The following LRRTM4 variants were observed in gnomAD, a reference collection of about 807,000 sequenced individuals.
LRRTM4 encodes the protein leucine-rich repeat transmembrane neuronal protein 4.
In LRRTM4, 25 loss-of-function variants were observed where a neutral mutation model predicts 47.6. The ratio of observed to expected loss-of-function variants is 0.53; its 90% CI spans 0.38 to 0.73. LRRTM4 has a LOEUF of 0.73. LRRTM4 is among the 30% of genes least tolerant of loss of function. The pLI, the probability that LRRTM4 is intolerant of heterozygous loss-of-function variation, is 0.00. For synonymous variants in LRRTM4, 311 were observed against 269.5 expected, an observed-to-expected ratio of 1.15 and a Z score of -1.51; for missense variants, 638 against 713.4, an observed-to-expected ratio of 0.89 and a Z score of 1.20.
At chr2:76,762,806 T>A (rs2104087153) in intron 3 of LRRTM4, among the ~76,000 whole-genome samples, 1 of 152,252 alleles carries the variant, frequency 6.6e-6, no homozygotes, top group Non-Finnish European at 1.5e-5. Flanking sequence ...CACACCACAG[T>A]ATAACTCTTT....
chr2:77,354,175 G>T (rs1671887200), intron 3 of LRRTM4, among the ~76,000 whole-genome samples: 1 of 152,146 alleles, frequency 6.6e-6, no homozygotes, highest in South Asian at 2.1e-4. Flanking sequence ...CAGTGGTCAT[G>T]TCTTAAGGAG....
chr2:76,761,836 G>A (rs868161079), intron 3 of LRRTM4, among the ~76,000 whole-genome samples: 26 of 152,224 alleles, frequency 1.7e-4, no homozygotes, highest in African/African-American at 5.8e-4. Context: ...ACTTAGGGGA[G>A]GATCATTAAA....
rs1677827894 is a variant in LRRTM4 at position 77,322,599 on chromosome 2, C to T, written c.1551+195719G>A. ...TGATAAAAACAAGAGTTTGGAATGGCTTCGGGGGAAAACTGCTTCTGCCAG... is the reference window on the plus strand; with the variant it reads ...TGATAAAAACAAGAGTTTGGAATGGTTTCGGGGGAAAACTGCTTCTGCCAG... On this transcript the variant is annotated intron_variant, in intron 3 of 3. Transcript: ENST00000409884. 2.0e-5 allele frequency among the ~76,000 whole-genome samples: 3 copies of T among 151,818 alleles called. No homozygotes were observed. In the South Asian group the frequency reaches 6.3e-4, roughly 32 times the overall value.
At chr2:77,409,437 T>C (rs1242830016) in intron 3 of LRRTM4, among the ~76,000 whole-genome samples, 1 of 152,160 alleles carries the variant, frequency 6.6e-6, no homozygotes, top group Non-Finnish European at 1.5e-5. Flanking sequence ...CTCTTTACTA[T>C]AGCCTTAATC....
chr2:76,879,403 T>C (rs1402498108), intron 3 of LRRTM4, among the ~76,000 whole-genome samples: 1 of 152,220 alleles, frequency 6.6e-6, no homozygotes, highest in East Asian at 1.9e-4. Flanking sequence ...CTAAAACTAC[T>C]CTGCCTATTC....
chr2:77,369,438 A>T (rs1672575500), intron 3 of LRRTM4, among the ~76,000 whole-genome samples: 1 of 151,748 alleles, frequency 6.6e-6, no homozygotes, highest in South Asian at 2.1e-4. Context: ...AGTAGCAAAT[A>T]TGTAGGATAA....
intron 3 of LRRTM4, among the ~76,000 whole-genome samples, chr2:77,317,839 G>A (rs867913105): frequency 6.6e-6 from 1 of 152,002 alleles, no homozygotes; most frequent in African/African-American, 2.4e-5. Context: ...AAAAGAAAAA[G>A]CACTTCACAT....
intron 3 of LRRTM4, among the ~76,000 whole-genome samples, chr2:77,357,941 T>C (rs76614208): frequency 0.017 from 2,587 of 152,230 alleles, 82 homozygotes; most frequent in African/African-American, 0.058. Context: ...TCTATGTTCA[T>C]GAATAATGTG....
At chr2:77,026,151 T>A (rs570880277) in intron 3 of LRRTM4, among the ~76,000 whole-genome samples, 17 of 152,158 alleles carry the variant, frequency 1.1e-4, no homozygotes, top group Non-Finnish European at 2.5e-4. Context: ...TTGGAATGCT[T>A]TGTAGTAATT....
chr2:77,130,733 A>C (rs1303182196), intron 3 of LRRTM4, among the ~76,000 whole-genome samples: 1 of 146,248 alleles, frequency 6.8e-6, no homozygotes, highest in Admixed American at 6.8e-5. Context: ...GGATGGTCTC[A>C]ATCTCCTGAC....
intron 3 of LRRTM4, among the ~76,000 whole-genome samples, chr2:76,779,796 T>G (rs573027778): frequency 6.6e-6 from 1 of 152,298 alleles, no homozygotes; most frequent in Non-Finnish European, 1.5e-5. Context: ...GAATTTGATC[T>G]TATCATTATG....
intron 3 of LRRTM4, among the ~76,000 whole-genome samples, chr2:77,221,633 A>T (rs1015068990): frequency 1.3e-5 from 2 of 152,072 alleles, no homozygotes; most frequent in African/African-American, 4.8e-5. Context: ...TGGTAAAGGG[A>T]TCAATTCAAC....
chr2:77,496,356 T>C (rs1678362750), intron 3 of LRRTM4, among the ~76,000 whole-genome samples: 1 of 151,846 alleles, frequency 6.6e-6, no homozygotes, highest in African/African-American at 2.4e-5. Context: ...AGAACCATTG[T>C]ATAATGTCAT....
At chr2:76,812,381 G>T (rs2103824449) in intron 3 of LRRTM4, among the ~76,000 whole-genome samples, 1 of 152,302 alleles carries the variant, frequency 6.6e-6, no homozygotes, top group East Asian at 1.9e-4. Flanking sequence ...AATGCTCTCT[G>T]AGAAGGAATA....
At chr2:77,032,514 A>G (rs1421087189) in intron 3 of LRRTM4, among the ~76,000 whole-genome samples, 1 of 152,148 alleles carries the variant, frequency 6.6e-6, no homozygotes, top group Non-Finnish European at 1.5e-5. Context: ...AATTGGCACA[A>G]AATAGAAGTT....
intron 3 of LRRTM4, among the ~76,000 whole-genome samples, chr2:77,165,951 T>A (rs1049060396): frequency 1.3e-5 from 2 of 152,164 alleles, no homozygotes; most frequent in East Asian, 1.9e-4. Flanking sequence ...ATGTTGGAAG[T>A]TCTGGCCAAG....
At chr2:77,214,574 T>A (rs1237897175) in intron 3 of LRRTM4, among the ~76,000 whole-genome samples, 3 of 152,184 alleles carry the variant, frequency 2.0e-5, no homozygotes, top group Non-Finnish European at 2.9e-5. Context: ...AAAAGAGCTA[T>A]GAAAAGATTT....
At chr2:77,354,331 G>C (rs1428657880) in intron 3 of LRRTM4, among the ~76,000 whole-genome samples, 6 of 148,850 alleles carry the variant, frequency 4.0e-5, no homozygotes, top group Non-Finnish European at 5.9e-5. Context: ...TGCATATCCA[G>C]ATAAGTGGTT....
chr2:77,204,595 C>T (rs1035753440), intron 3 of LRRTM4, among the ~76,000 whole-genome samples: 26 of 152,244 alleles, frequency 1.7e-4, no homozygotes, highest in African/African-American at 6.0e-4. Context: ...AGGAAGTCTT[C>T]CCTATCATGC....
Sources: gnomAD v4.1 joint callset for allele counts (sites outside exome capture counted in the v4.1 genomes callset) on GRCh38, gnomAD v4.1.1 for gene constraint, MANE v1.5 for transcripts, NCBI Gene and HGNC (gene_info 2026-07-23, HGNC 2026-07-21) for gene names.